TIAM2: variants seen among roughly 807,000 people sequenced by gnomAD.
The protein encoded by TIAM2 is TIAM Rac1 associated GEF 2, also known as rho guanine nucleotide exchange factor TIAM2.
A neutral mutation model predicts 152.9 loss-of-function variants in TIAM2; 80 were observed. The ratio of observed to expected loss-of-function variants is 0.52; its 90% CI spans 0.44 to 0.63. TIAM2 has a LOEUF of 0.63. Ranked by LOEUF, TIAM2 falls within the 30% of genes least tolerant of loss-of-function variation. The pLI is 0.00. For missense variants in TIAM2, 1,965 were observed against 2,120.1 expected (o/e 0.93, Z 1.44); for synonymous variants, 804 against 838.0 (o/e 0.96, Z 0.70).
chr6:155,231,047 G>A (rs1464654199), intron 15 of TIAM2, among the ~76,000 whole-genome samples: 5 of 150,054 alleles, frequency 3.3e-5, no homozygotes, highest in Non-Finnish European at 4.4e-5. Flanking sequence ...TCACCATGTT[G>A]GCCAGGCTGG....
chr6:155,222,800 A>G lies in TIAM2; in HGVS notation c.3168+11493A>G, dbSNP rs547829902. ...GTCTTTCTGCCTGAATGCCTGATCC[A>G]AAGCAGCTTTCTGCTAGATATCCCT... On this transcript the variant is annotated intron_variant, in intron 15 of 26. Transcript: ENST00000682666. 2.0e-5 allele frequency among the ~76,000 whole-genome samples: 3 copies of G among 152,216 alleles called. No individual in the cohort carries two copies. In the South Asian group the frequency reaches 6.2e-4, roughly 32 times the overall value.
At position 155,243,846 on chromosome 6, in the gene TIAM2, C is replaced by CAAAAAAAAAAAAA. The variant is rs59365890; in HGVS notation, c.3349-146_3349-134dup. On this transcript the variant is annotated intron_variant, in intron 16 of 26. Coordinates refer to ENST00000682666, the MANE Select transcript of TIAM2 (RefSeq NM_012454.4). Reference sequence around the variant, plus strand: ...TGGGTGACAGAGCAAGACTCCGTCTCAAAAAAAAAAAAAAAAAAAAAAAAA... The same window carrying CAAAAAAAAAAAAA: ...TGGGTGACAGAGCAAGACTCCGTCTCAAAAAAAAAAAAAAAAAAAAAAAAAAAAAAAAAAAAAA... Among the ~76,000 whole-genome samples, 50 of 55,052 alleles carry CAAAAAAAAAAAAA rather than the reference C, an allele frequency of 9.1e-4. 1 individual carries two copies. Among genetic ancestry groups the CAAAAAAAAAAAAA allele is most frequent in the African/African-American group, 3.8e-3 (47 of 12,394 alleles). 36.1% of individuals were successfully genotyped at this position (55,052 alleles called of 152,430 possible).
chr6:155,131,550 G>A (rs77474526), intron 4 of TIAM2, among the ~76,000 whole-genome samples: 19 of 151,488 alleles, frequency 1.3e-4, no homozygotes, highest in Admixed American at 2.0e-4. Flanking sequence ...AAAAAAAAAA[G>A]TTGATGATAT....
At chr6:155,243,910 G>A in intron 16 of TIAM2, 101 bp from the exon 17 acceptor site, 1 of 703,566 alleles carries the variant, frequency 1.4e-6, no homozygotes, top group Non-Finnish European at 2.5e-6. Flanking sequence ...TCATTATCCT[G>A]ATGGGAGCCT....
rs1779373551 is a variant in TIAM2, at chr6:155,129,211, A to T, written c.-6-7A>T. ...CGGTCTTACTGATGCAACTGTTCTT[A>T]ATTTAGGTTAAAATGGGCAACTCCG... On this transcript the variant is annotated splice_polypyrimidine_tract_variant and splice_region_variant and intron_variant, in intron 3 of 26. Transcript: ENST00000682666. This position sits in a 1 kb window ranked among gnomAD's most constrained non-coding sequence, Gnocchi z 4.8. The T allele has an allele frequency of 1.2e-6, 2 of 1,608,046 alleles. No individual in the cohort carries two copies. Among genetic ancestry groups the T allele is most frequent in the Non-Finnish European group, 1.7e-6 (2 of 1,175,260 alleles).
chr6:155,254,141 T>A, intron 25 of TIAM2, 81 bp downstream of exon 25: 2 of 1,443,094 alleles, frequency 1.4e-6, no homozygotes, highest in Non-Finnish European at 1.9e-6. Flanking sequence ...TTTAGTGCCC[T>A]CCTGAATTTT....
At chr6:155,245,866 T>A (rs1182624719) in intron 19 of TIAM2, 135 bp downstream of exon 19, 2 of 523,104 alleles carry the variant, frequency 3.8e-6, no homozygotes, top group Non-Finnish European at 6.4e-6. Context: ...ACCTTGACAG[T>A]GGCAAATATT....
intron 2 of TIAM2, among the ~76,000 whole-genome samples, chr6:155,117,231 A>G (rs1006555851): frequency 6.6e-6 from 1 of 152,140 alleles, no homozygotes; most frequent in Non-Finnish European, 1.5e-5. Context: ...CCCCTGAGCC[A>G]GAATAGGTTC....
rs191149523 is a variant in TIAM2 at position 155,061,122 on chromosome 6, A to C, written c.-208-29167A>C. On this transcript the variant is annotated intron_variant, in intron 1 of 26. Transcript: ENST00000682666. ...TGCCCGTTGCTATTGGAGTGTTACT[A>C]CGTCTTCTAGGCCCTCTCAATGAAT... 3.9e-3 allele frequency among the ~76,000 whole-genome samples: 598 copies of C among 152,292 alleles called. 2 individuals carry two copies. Among genetic ancestry groups the C allele is most frequent in the African/African-American group, 0.014 (562 of 41,556 alleles).
chr6:155,161,103 G>A (rs1780256941), intron 7 of TIAM2, among the ~76,000 whole-genome samples: 1 of 152,146 alleles, frequency 6.6e-6, no homozygotes, highest in African/African-American at 2.4e-5. Flanking sequence ...CCAAGATTTG[G>A]GTGGAGAGGT....
intron 1 of TIAM2, chr6:155,005,396 G>C (rs935806680): frequency 1.3e-5 from 2 of 154,588 alleles, no homozygotes; most frequent in African/African-American, 4.8e-5. Context: ...CTGGAGTACA[G>C]TGGCACGATC....
At position 155,055,191 on chromosome 6, in the gene TIAM2, C is replaced by G. The variant is rs1259873200; in HGVS notation, c.-208-35098C>G. Among the ~76,000 whole-genome samples the G allele has an allele frequency of 2.0e-5, 3 of 152,042 alleles. No homozygotes were observed. The East Asian group carries it at 5.8e-4, about 29-fold the overall frequency. On this transcript the variant is annotated intron_variant, in intron 1 of 26. Coordinates refer to ENST00000682666, the MANE Select transcript of TIAM2 (RefSeq NM_012454.4). ...CAAGAAGCGTGGGTGTCTTTCTGGG[C>G]CACGTATATTTTCTAAGCTTTTGTC... is the stretch of plus-strand genomic sequence containing the variant.
Position 155,103,723 on chromosome 6 carries a change from CAAAAAAA to C in TIAM2, c.-118+13360_-118+13366del, listed in dbSNP as rs759945340. Among the ~76,000 whole-genome samples, 7 of 59,854 alleles carry C rather than the reference CAAAAAAA, an allele frequency of 1.2e-4. No homozygotes were observed. The South Asian group carries it at 4.9e-3, about 42-fold the overall frequency. 39.3% of individuals were successfully genotyped at this position (59,854 alleles called of 152,430 possible). On this transcript the variant is annotated intron_variant, in intron 2 of 26. Coordinates refer to ENST00000682666, the MANE Select transcript of TIAM2 (RefSeq NM_012454.4). Reference sequence around the variant, plus strand: ...TGGGCAACAGAGTGAGACTCTGTCTCAAAAAAAAAAAAAAAAAAAAAAGGAATTAGAG... The same window carrying C: ...TGGGCAACAGAGTGAGACTCTGTCTCAAAAAAAAAAAAAAAGGAATTAGAG...
chr6:155,211,868 C>T (rs550104748), intron 15 of TIAM2, among the ~76,000 whole-genome samples: 13 of 152,142 alleles, frequency 8.5e-5, no homozygotes, highest in African/African-American at 2.4e-5. Flanking sequence ...TAAACAATAA[C>T]TCTCTATTTC....
chr6:155,084,657 T>A (rs548024568), intron 1 of TIAM2, among the ~76,000 whole-genome samples: 39 of 152,324 alleles, frequency 2.6e-4, no homozygotes, highest in African/African-American at 8.9e-4. Context: ...CTTACAGTAC[T>A]CAGTAAATAC....
chr6:155,254,580 A>C lies in TIAM2; in HGVS notation c.4468+7A>C, dbSNP rs376976819. On this transcript the variant is annotated splice_region_variant and intron_variant, in intron 26 of 26. Coordinates refer to ENST00000682666, the MANE Select transcript of TIAM2 (RefSeq NM_012454.4). ...CCTGTTTCGGCCAAATTAGGTGAGA[A>C]TTTTGCTAGCCTTGTGTTTATTCAA... 2 of 1,608,494 alleles carry C rather than the reference A, an allele frequency of 1.2e-6. No individual in the cohort carries two copies. Among genetic ancestry groups the C allele is most frequent in the Non-Finnish European group, 1.7e-6 (2 of 1,175,214 alleles).
intron 14 of TIAM2, among the ~76,000 whole-genome samples, chr6:155,199,006 C>T (rs949910763): frequency 1.3e-5 from 2 of 152,072 alleles, no homozygotes; most frequent in Non-Finnish European, 2.9e-5. Flanking sequence ...CTAATTGGTG[C>T]CCATGACAGT....
Position 155,136,094 on chromosome 6 carries a change from C to T in TIAM2, c.1195-1083C>T, listed in dbSNP as rs148037916. ...CTGTAATCCCAGATACTTGGGAGGC[C>T]GAGGCAGGAGAGTCACTTGAACCCA... On this transcript the variant is annotated intron_variant, in intron 4 of 26. Transcript: ENST00000682666. Among the ~76,000 whole-genome samples the T allele has an allele frequency of 5.9e-3, 872 of 147,586 alleles. 3 individuals are homozygous for T. Among genetic ancestry groups the T allele is most frequent in the African/African-American group, 8.4e-3 (336 of 39,916 alleles).
Position 155,179,462 on chromosome 6 carries a change from TGTAAGGAATGC to T in TIAM2, c.2707+7_2707+17del, listed in dbSNP as rs780082480. On this transcript the variant is annotated splice_region_variant and intron_variant, in intron 12 of 26. Transcript: ENST00000682666. The stretch of plus-strand genomic sequence containing the variant: ...TGGGAGTGTGTGTGACTTTGGTGAG[TGTAAGGAATGC>T]CCCTTTCAGGGAATTGTGTTGTTCA... 1 of 1,601,366 alleles carries T rather than the reference TGTAAGGAATGC, an allele frequency of 6.2e-7. No individual in the cohort carries two copies.
Sources: allele counts gnomAD v4.1 joint callset (sites outside exome capture counted in the v4.1 genomes callset), GRCh38; gene constraint gnomAD v4.1.1; non-coding constraint Gnocchi (gnomAD v3.1); transcripts MANE v1.5; gene names NCBI Gene and HGNC (gene_info 2026-07-23, HGNC 2026-07-21).